The following LRRTM4 variants were observed in gnomAD, a reference collection of about 807,000 sequenced individuals.
LRRTM4 encodes leucine rich repeat transmembrane neuronal 4, also known as leucine-rich repeat transmembrane neuronal protein 4.
In LRRTM4, 25 loss-of-function variants were observed where a neutral mutation model predicts 47.6. The ratio of observed to expected loss-of-function variants is 0.53; its 90% CI spans 0.38 to 0.73. The LOEUF is 0.73. Ranked by LOEUF, LRRTM4 falls within the 30% of genes least tolerant of loss-of-function variation. LRRTM4 has a pLI of 0.00. For synonymous variants in LRRTM4, 311 were observed against 269.5 expected (o/e 1.15, Z -1.51); for missense variants, 638 against 713.4 (o/e 0.89, Z 1.20).
chr2:77,240,299 A>T (rs1675221422), intron 3 of LRRTM4, among the ~76,000 whole-genome samples: 1 of 151,970 alleles, frequency 6.6e-6, no homozygotes, highest in Non-Finnish European at 1.5e-5. Context: ...TAAAGAAGAA[A>T]AACCATATGA....
At chr2:77,318,721 A>C (rs1321994410) in intron 3 of LRRTM4, among the ~76,000 whole-genome samples, 1 of 152,166 alleles carries the variant, frequency 6.6e-6, no homozygotes, top group Admixed American at 6.5e-5. Flanking sequence ...TAGAATGGGT[A>C]GTTTCTTAAA....
intron 3 of LRRTM4, among the ~76,000 whole-genome samples, chr2:77,105,058 G>GA (rs113329344): frequency 0.13 from 19,137 of 148,390 alleles, 1,486 homozygotes; most frequent in East Asian, 0.23. Context: ...GAAAATAAAA[G>GA]AAAAAAAAAA....
intron 3 of LRRTM4, among the ~76,000 whole-genome samples, chr2:77,138,207 AC>A (rs1672006458): frequency 6.6e-6 from 1 of 152,194 alleles, no homozygotes; most frequent in African/African-American, 2.4e-5. Flanking sequence ...TCCAAAATTG[AC>A]CACATAGTTG....
At chr2:76,844,388 G>C (rs1029771506) in intron 3 of LRRTM4, among the ~76,000 whole-genome samples, 1 of 152,086 alleles carries the variant, frequency 6.6e-6, no homozygotes, top group Admixed American at 6.6e-5. Context: ...ACCCACCTCA[G>C]CCTCCCAAAG....
intron 3 of LRRTM4, chr2:77,517,002 A>G (rs961119266): frequency 5.1e-6 from 5 of 985,052 alleles, no homozygotes; most frequent in Non-Finnish European, 6.0e-6. Context: ...CTGTCTTTTG[A>G]AAGAGTGATC....
chr2:77,256,945 A>T (rs552481153), intron 3 of LRRTM4, among the ~76,000 whole-genome samples: 2 of 152,292 alleles, frequency 1.3e-5, no homozygotes, highest in South Asian at 4.1e-4. Flanking sequence ...ATAGAACATG[A>T]CAAACTTGGG....
intron 3 of LRRTM4, among the ~76,000 whole-genome samples, chr2:76,903,897 G>C (rs1053503595): frequency 9.2e-5 from 14 of 152,142 alleles, no homozygotes; most frequent in Non-Finnish European, 1.6e-4. Flanking sequence ...TTGATGGACA[G>C]AATATTCACT....
intron 3 of LRRTM4, among the ~76,000 whole-genome samples, chr2:77,274,103 C>T (rs1328855983): frequency 6.6e-6 from 1 of 152,008 alleles, no homozygotes; most frequent in Non-Finnish European, 1.5e-5. Context: ...CCCTCACACT[C>T]TGTTATGTAT....
chr2:76,959,621 T>G (rs1675786034), intron 3 of LRRTM4, among the ~76,000 whole-genome samples: 1 of 151,704 alleles, frequency 6.6e-6, no homozygotes, highest in African/African-American at 2.4e-5. Flanking sequence ...GACTTACTCC[T>G]ATTGGAAAAT....
chr2:77,032,860 G>T (rs1360303036), intron 3 of LRRTM4, among the ~76,000 whole-genome samples: 1 of 152,046 alleles, frequency 6.6e-6, no homozygotes, highest in Non-Finnish European at 1.5e-5. Flanking sequence ...ATGATTTCAT[G>T]GGAGTTTGTA....
At chr2:76,807,636 G>T (rs542330352) in intron 3 of LRRTM4, among the ~76,000 whole-genome samples, 12 of 151,542 alleles carry the variant, frequency 7.9e-5, no homozygotes, top group Non-Finnish European at 1.8e-4. Flanking sequence ...CTGTTGCCCA[G>T]GCTGGAGTGC....
At chr2:76,770,767 G>C (rs894155164) in intron 3 of LRRTM4, among the ~76,000 whole-genome samples, 8 of 152,130 alleles carry the variant, frequency 5.3e-5, no homozygotes, top group Non-Finnish European at 7.3e-5. Flanking sequence ...CCCCCCAGTA[G>C]TACAATTGAA....
intron 3 of LRRTM4, among the ~76,000 whole-genome samples, chr2:76,964,260 AT>A (rs946294885): frequency 4.6e-5 from 7 of 151,028 alleles, no homozygotes; most frequent in Non-Finnish European, 1.0e-4. Flanking sequence ...CAATAAAAAA[AT>A]CAACTCTTCA....
intron 3 of LRRTM4, among the ~76,000 whole-genome samples, chr2:77,361,747 C>T (rs561374433): frequency 3.4e-4 from 51 of 152,230 alleles, no homozygotes; most frequent in African/African-American, 1.2e-3. Context: ...TCCACTTTAA[C>T]ATCAGATATT....
intron 3 of LRRTM4, among the ~76,000 whole-genome samples, chr2:77,226,845 A>G (rs1274766742): frequency 2.0e-5 from 3 of 151,908 alleles, no homozygotes; most frequent in Non-Finnish European, 4.4e-5. Flanking sequence ...CTGATAGTTG[A>G]GTGACTTTAG....
intron 3 of LRRTM4, among the ~76,000 whole-genome samples, chr2:76,856,332 A>AT (rs1477481603): frequency 1.3e-5 from 2 of 152,092 alleles, no homozygotes; most frequent in East Asian, 3.9e-4. Context: ...AAAGAAGGGT[A>AT]TTTTTATCAG....
intron 3 of LRRTM4, among the ~76,000 whole-genome samples, chr2:76,950,840 C>A (rs1675470803): frequency 6.6e-6 from 1 of 151,930 alleles, no homozygotes. Context: ...CATATTAAGA[C>A]TAGGCTAAAA....
intron 3 of LRRTM4, among the ~76,000 whole-genome samples, chr2:77,044,308 C>G (rs935735878): frequency 6.6e-6 from 1 of 151,592 alleles, no homozygotes; most frequent in Non-Finnish European, 1.5e-5. Flanking sequence ...AATAGGTCAA[C>G]TAAAGATTAT....
chr2:77,292,684 C>T (rs1293084040), intron 3 of LRRTM4, among the ~76,000 whole-genome samples: 1 of 109,880 alleles, frequency 9.1e-6, no homozygotes, highest in Non-Finnish European at 1.7e-5. Flanking sequence ...ACATCACACT[C>T]TGGGGACTGT....
Sources: allele counts gnomAD v4.1 joint callset (sites outside exome capture counted in the v4.1 genomes callset), GRCh38; gene constraint gnomAD v4.1.1; transcripts MANE v1.5; gene names NCBI Gene and HGNC (gene_info 2026-07-23, HGNC 2026-07-21).